The following RBBP8NL variants were observed in gnomAD, a reference collection of about 807,000 sequenced individuals.
RBBP8NL encodes RBBP8 N-terminal like.
Under a neutral mutation model 62.2 loss-of-function variants are expected in RBBP8NL, and 59 were observed. The observed-to-expected ratio is 0.95, with a 90% CI of 0.77 to 1.18. RBBP8NL has a LOEUF of 1.18. Among genes scored for constraint, RBBP8NL ranks in the 50% most tolerant of loss-of-function variants. RBBP8NL has a pLI of 0.00. For missense variants in RBBP8NL, 896 were observed against 899.5 expected (o/e 1.00, Z 0.05); for synonymous variants, 412 against 394.1 (o/e 1.05, Z -0.54).
chr20:62,416,121 T>C, intron 6 of RBBP8NL, 43 bp downstream of exon 6: 1 of 1,571,960 alleles, frequency 6.4e-7, no homozygotes, highest in Non-Finnish European at 8.7e-7. Context: ...CGGGGGGTGC[T>C]GGGGAGTTGG....
chr20:62,411,078 G>A, intron 13 of RBBP8NL, 82 bp from the exon 14 acceptor site: 1 of 893,228 alleles, frequency 1.1e-6, no homozygotes, highest in African/African-American at 1.6e-5. Context: ...GGCCTCCTGG[G>A]TCTCCTCTGG....
At position 62,416,240 on chromosome 20, in the gene RBBP8NL, C is replaced by A; in HGVS notation, c.314-4G>T. ...TTCAGCCCGTTCATCTCGTTGGCTG[C>A]AAAAGGCACTGATGAGCAAAGCAGC... On this transcript the variant is annotated splice_polypyrimidine_tract_variant and splice_region_variant and intron_variant, in intron 5 of 13. Coordinates refer to ENST00000252998, the MANE Select transcript of RBBP8NL (RefSeq NM_080833.3). 7.5e-7 allele frequency: 1 copy of A among 1,335,592 alleles called. No homozygotes were observed. The highest frequency in any genetic ancestry group is 9.9e-7 in the Non-Finnish European group (1 of 1,008,784). The allele number at this position is 1,335,592 out of a possible 1,614,324, so 82.7% of individuals were successfully genotyped here.
chr20:62,415,462 G>A (rs1218871721), intron 8 of RBBP8NL, 116 bp downstream of exon 8: 1 of 1,392,008 alleles, frequency 7.2e-7, no homozygotes. Context: ...GACAAAGGAG[G>A]GGCACATTCA....
chr20:62,413,356 G>A, intron 11 of RBBP8NL, 45 bp downstream of exon 11: 7 of 1,380,554 alleles, frequency 5.1e-6, no homozygotes, highest in African/African-American at 1.5e-5. Context: ...TCTCCGTGGG[G>A]AAAACACCTC....
intron 8 of RBBP8NL, 81 bp downstream of exon 8, chr20:62,415,497 A>T: frequency 6.7e-7 from 1 of 1,487,160 alleles, no homozygotes; most frequent in Non-Finnish European, 9.3e-7. Flanking sequence ...AGAGGCTGGC[A>T]TACTGAAAGT....
rs1601486241 is a variant in RBBP8NL at position 62,414,532 on chromosome 20, G to A, written c.819C>T (p.Ser273=). 2.8e-6 allele frequency: 4 copies of A among 1,428,464 alleles called. No homozygotes were observed. The highest frequency in any genetic ancestry group is 3.7e-6 in the Non-Finnish European group (4 of 1,086,070). The allele number at this position is 1,428,464 out of a possible 1,614,324, so 88.5% of individuals were successfully genotyped here. A position where few individuals can be genotyped will look rare whatever the true frequency, so the allele number is the denominator to read the frequency against. Residue 273 remains serine, a synonymous_variant, in exon 10 of 14, where the codon TCC becomes TCT. Coordinates refer to ENST00000252998, the MANE Select transcript of RBBP8NL (RefSeq NM_080833.3). The part of the protein sequence containing the change: ...LDSFLRASRP[S]AMTHEAPKLS... Reference sequence around the variant, plus strand: ...GCTTCGGGGCCTCATGGGTCATGGCGGAGGGCCGGGAGGCCCGCAGGAAGC... The same window carrying A: ...GCTTCGGGGCCTCATGGGTCATGGCAGAGGGCCGGGAGGCCCGCAGGAAGC...
rs935286422 is a variant in RBBP8NL at position 62,410,588 on chromosome 20, G to A, written c.*290C>T. 11 of 438,700 alleles carry A rather than the reference G, an allele frequency of 2.5e-5. No homozygotes were observed. Among genetic ancestry groups the A allele is most frequent in the African/African-American group, 4.0e-5 (2 of 49,662 alleles). 27.2% of individuals were successfully genotyped at this position (438,700 alleles called of 1,614,324 possible). A position where few individuals can be genotyped will look rare whatever the true frequency, so the allele number is the denominator to read the frequency against. On this transcript the variant is annotated 3_prime_UTR_variant, in exon 14 of 14. Transcript: ENST00000252998. ...CAGGTGGGTGGAGACGGGGTGAATC[G>A]CCAGCCTGAGACCCCTCTCGGTCCT...
At chr20:62,427,079 G>A (rs987714749) in intron 1 of RBBP8NL, among the ~76,000 whole-genome samples, 25 of 152,338 alleles carry the variant, frequency 1.6e-4, no homozygotes, top group Non-Finnish European at 3.1e-4. Flanking sequence ...CTGTGGCTGC[G>A]CCCGCTTATC....
intron 9 of RBBP8NL, 64 bp from the exon 10 acceptor site, chr20:62,414,620 TGA>T: frequency 7.3e-7 from 1 of 1,375,770 alleles, no homozygotes; most frequent in East Asian, 2.7e-5. Context: ...CAGCGAGCCC[TGA>T]GAGGGAGAGA....
chr20:62,410,912 G>A lies in RBBP8NL; in HGVS notation c.1961C>T (p.Pro654Leu), dbSNP rs1253043067. 6 of 1,613,354 alleles carry A rather than the reference G, an allele frequency of 3.7e-6. No homozygotes were observed. The highest frequency in any genetic ancestry group is 5.1e-6 in the Non-Finnish European group (6 of 1,179,772). ...GSPRDAEDHS[P>L]SPNSSPWEET ...CTCCCAGGGGCTGCTGTTGGGGGAGGGACTGTGGTCCTCGGCGTCCCTTGG... is the reference window on the plus strand; with the variant it reads ...CTCCCAGGGGCTGCTGTTGGGGGAGAGACTGTGGTCCTCGGCGTCCCTTGG... The change falls in exon 14 of 14, where the codon CCC (proline) becomes CTC (leucine). Residue 654 changes from proline to leucine, a missense_variant. By Grantham distance (98) the Pro-to-Leu change is moderately conservative. Transcript: ENST00000252998.
chr20:62,427,088 T>G (rs113534332), intron 1 of RBBP8NL, among the ~76,000 whole-genome samples: 137 of 152,336 alleles, frequency 9.0e-4, no homozygotes, highest in African/African-American at 3.2e-3. Flanking sequence ...CGCCCGCTTA[T>G]CCTCTTGTGA....
chr20:62,424,438 G>A (rs1289507801), intron 1 of RBBP8NL, among the ~76,000 whole-genome samples: 2 of 152,104 alleles, frequency 1.3e-5, no homozygotes, highest in African/African-American at 2.4e-5. Context: ...AGTGAGAGCC[G>A]GGCTGGGCTT....
intron 5 of RBBP8NL, 44 bp from the exon 6 acceptor site, chr20:62,416,280 GACAGGGGC>G: frequency 1.3e-5 from 8 of 602,850 alleles, no homozygotes; most frequent in Non-Finnish European, 2.1e-5. Context: ...GGTTGGGGGG[GACAGGGGC>G]AGGGGTGGGG....
intron 1 of RBBP8NL, among the ~76,000 whole-genome samples, chr20:62,421,869 C>T (rs1198268890): frequency 3.4e-5 from 5 of 149,086 alleles, no homozygotes; most frequent in African/African-American, 7.4e-5. Context: ...CATGTGTGTG[C>T]ATCTGTTTTT....
Position 62,414,495 on chromosome 20 carries a change from C to T in RBBP8NL, c.856G>A (p.Val286Met). ...CGGTTTAGGAGGCAGAGCCGGTCCA[C>T]CTTCGGGGAGAGCTTCGGGGCCTCA... ...THEAPKLSPKVDRLCLLNRPL... is the reference protein window; with the variant it reads ...THEAPKLSPKMDRLCLLNRPL... Residue 286 changes from valine (V) to methionine (M), a missense_variant, in exon 10 of 14, where the codon GTG (valine) becomes ATG (methionine). Coordinates refer to ENST00000252998, the MANE Select transcript of RBBP8NL (RefSeq NM_080833.3). The T allele has an allele frequency of 6.9e-7, 1 of 1,458,108 alleles. No homozygotes were observed. The highest frequency in any genetic ancestry group is 1.5e-5 in the South Asian group (1 of 67,826). The allele number at this position is 1,458,108 out of a possible 1,614,324, so 90.3% of individuals were successfully genotyped here.
chr20:62,421,375 A>G (rs556594013), intron 1 of RBBP8NL, among the ~76,000 whole-genome samples: 2,043 of 119,310 alleles, frequency 0.017, 22 homozygotes, highest in Middle Eastern at 0.038. Flanking sequence ...TGTGTGTGCC[A>G]TGTGTGTGCA....
intron 1 of RBBP8NL, among the ~76,000 whole-genome samples, chr20:62,424,392 C>T (rs905602173): frequency 6.6e-6 from 1 of 152,148 alleles, no homozygotes; most frequent in African/African-American, 2.4e-5. Context: ...ACTGAGAACA[C>T]GACCCAGAGG....
At chr20:62,419,245 G>A (rs944176610) in intron 2 of RBBP8NL, among the ~76,000 whole-genome samples, 7 of 152,178 alleles carry the variant, frequency 4.6e-5, no homozygotes, top group African/African-American at 1.2e-4. Context: ...GCCGGCCCAC[G>A]GGAGAACAAA....
intron 1 of RBBP8NL, among the ~76,000 whole-genome samples, chr20:62,420,547 A>C (rs1437176708): frequency 1.3e-5 from 2 of 152,136 alleles, no homozygotes; most frequent in African/African-American, 2.4e-5. Flanking sequence ...CACATACAAC[A>C]CATATGTACA....
Sources: gnomAD v4.1 joint callset for allele counts (sites outside exome capture counted in the v4.1 genomes callset) on GRCh38, gnomAD v4.1.1 for gene constraint, MANE v1.5 for transcripts, NCBI Gene and HGNC (gene_info 2026-07-23, HGNC 2026-07-21) for gene names.